The following XPR1 variants were observed in gnomAD, a reference collection of about 807,000 sequenced individuals.
The protein encoded by XPR1 is solute carrier family 53 member 1.
A neutral mutation model predicts 87.5 loss-of-function variants in XPR1; 28 were observed. That is an observed-to-expected ratio of 0.32 (90% confidence interval 0.24 to 0.44). The LOEUF (loss-of-function observed/expected upper bound fraction) is 0.44, where lower values mean the gene tolerates loss of function less well. Ranked by LOEUF, XPR1 falls within the 20% of genes least tolerant of loss-of-function variation. XPR1 has a pLI of 1.00. For synonymous variants in XPR1, 300 were observed against 306.1 expected (o/e 0.98, Z 0.21); for missense variants, 559 against 862.3 (o/e 0.65, Z 4.41).
At chr1:180,881,883 A>G (rs1304352567) in intron 14 of XPR1, among the ~76,000 whole-genome samples, 2 of 152,150 alleles carry the variant, frequency 1.3e-5, no homozygotes, top group Non-Finnish European at 2.9e-5. Context: ...AAATAAACAA[A>G]AGAGGTAGGA....
intron 2 of XPR1, among the ~76,000 whole-genome samples, chr1:180,783,238 A>G (rs890173348): frequency 1.3e-5 from 2 of 152,056 alleles, no homozygotes; most frequent in African/African-American, 4.8e-5. Context: ...TAGGTGACAC[A>G]GCTAGGTGCT....
At chr1:180,710,700 C>G (rs1046244431) in intron 2 of XPR1, among the ~76,000 whole-genome samples, 1 of 152,252 alleles carries the variant, frequency 6.6e-6, no homozygotes, top group Non-Finnish European at 1.5e-5. Flanking sequence ...GGCCTGCTCT[C>G]AATGAGCTGT....
chr1:180,704,245 G>GATATATATATATATATATATATAT (rs35751561), intron 2 of XPR1, among the ~76,000 whole-genome samples: 32 of 66,012 alleles, frequency 4.8e-4, no homozygotes, highest in Non-Finnish European at 6.9e-4. Flanking sequence ...ATAGGTGCTG[G>GATATATATATATATATATATATAT]ATATATATAT....
At chr1:180,856,407 A>C (rs548616764) in intron 11 of XPR1, among the ~76,000 whole-genome samples, 1 of 152,104 alleles carries the variant, frequency 6.6e-6, no homozygotes, top group Non-Finnish European at 1.5e-5. Context: ...TGTCCTTTTC[A>C]TAGAAAGAGC....
intron 11 of XPR1, among the ~76,000 whole-genome samples, chr1:180,857,365 A>G (rs1225661574): frequency 6.6e-6 from 1 of 152,192 alleles, no homozygotes; most frequent in Non-Finnish European, 1.5e-5. Context: ...TACCCCTACG[A>G]AATAGGAGGC....
intron 2 of XPR1, among the ~76,000 whole-genome samples, chr1:180,746,845 A>G (rs1447675265): frequency 6.6e-6 from 1 of 152,138 alleles, no homozygotes; most frequent in Non-Finnish European, 1.5e-5. Flanking sequence ...CCTTTGAAAG[A>G]TCTTTTTTGG....
intron 2 of XPR1, among the ~76,000 whole-genome samples, chr1:180,734,426 CA>C (rs1420560501): frequency 6.6e-6 from 1 of 152,168 alleles, no homozygotes; most frequent in African/African-American, 2.4e-5. Context: ...TGGTCAACAG[CA>C]AACAGGCAGT....
chr1:180,647,902 CAAA>C (rs1009441967), intron 1 of XPR1, among the ~76,000 whole-genome samples: 3,644 of 55,682 alleles, frequency 0.065, 117 homozygotes, highest in African/African-American at 0.18. Context: ...CTCTTATCTG[CAAA>C]AAAAAAAAAA....
chr1:180,713,926 G>A (rs140646713), intron 2 of XPR1, among the ~76,000 whole-genome samples: 14 of 152,106 alleles, frequency 9.2e-5, no homozygotes, highest in African/African-American at 2.7e-4. Flanking sequence ...TCATTAGTGC[G>A]GAAGAGTTTG....
At chr1:180,845,504 A>C (rs892946341) in intron 11 of XPR1, among the ~76,000 whole-genome samples, 2 of 152,180 alleles carry the variant, frequency 1.3e-5, no homozygotes, top group Admixed American at 1.3e-4. Flanking sequence ...GTAGATGAAG[A>C]ATAATGACTG....
intron 2 of XPR1, among the ~76,000 whole-genome samples, chr1:180,762,844 T>G (rs769375424): frequency 1.3e-5 from 2 of 152,246 alleles, no homozygotes; most frequent in Non-Finnish European, 2.9e-5. Context: ...AGCAGACATG[T>G]ATAACTATAA....
chr1:180,752,440 G>A (rs1166080438), intron 2 of XPR1, among the ~76,000 whole-genome samples: 1 of 152,052 alleles, frequency 6.6e-6, no homozygotes, highest in Non-Finnish European at 1.5e-5. Flanking sequence ...ATTTTTATCT[G>A]TATCTTTTCT....
In XPR1 at chr1:180,873,255, C is replaced by T. The variant is rs115119266; in HGVS notation, c.1669-548C>T. 3.9e-4 allele frequency among the ~76,000 whole-genome samples: 60 copies of T among 152,260 alleles called. 1 individual carries two copies. Among genetic ancestry groups the T allele is most frequent in the Middle Eastern group, 6.8e-3 (2 of 294 alleles). On this transcript the variant is annotated intron_variant, in intron 12 of 14. Coordinates refer to ENST00000367590, the MANE Select transcript of XPR1 (RefSeq NM_004736.4). Reference sequence around the variant, plus strand: ...GTACCTGCAAGTATTACTTGAGCACCGTCTTCCCCATGTAAAAATAGAACA... The same window carrying T: ...GTACCTGCAAGTATTACTTGAGCACTGTCTTCCCCATGTAAAAATAGAACA...
chr1:180,782,583 C>A (rs1648982440), intron 2 of XPR1, among the ~76,000 whole-genome samples: 1 of 151,862 alleles, frequency 6.6e-6, no homozygotes. Context: ...GTGGGGGAAT[C>A]TCTGGTGTCT....
At chr1:180,760,234 A>G (rs1482971957) in intron 2 of XPR1, among the ~76,000 whole-genome samples, 2 of 152,174 alleles carry the variant, frequency 1.3e-5, no homozygotes, top group African/African-American at 2.4e-5. Context: ...TACCGCTCCT[A>G]TTCAACATAG....
At chr1:180,850,056 G>A (rs1032015253) in intron 11 of XPR1, among the ~76,000 whole-genome samples, 1 of 152,162 alleles carries the variant, frequency 6.6e-6, no homozygotes, top group Non-Finnish European at 1.5e-5. Flanking sequence ...AGTTGGTGAA[G>A]TAGATTCCAC....
At chr1:180,866,526 G>T (rs1439445093) in intron 12 of XPR1, among the ~76,000 whole-genome samples, 1 of 131,434 alleles carries the variant, frequency 7.6e-6, no homozygotes, top group Non-Finnish European at 1.7e-5. Context: ...GGTGACACCA[G>T]TTTCCACATT....
At chr1:180,811,532 C>A in intron 7 of XPR1, 44 bp downstream of exon 7, 9 of 1,462,724 alleles carry the variant, frequency 6.2e-6, no homozygotes, top group Non-Finnish European at 8.6e-6. Flanking sequence ...TACCAATATG[C>A]CTGTGTCATA....
chr1:180,741,019 G>A (rs943484164), intron 2 of XPR1, among the ~76,000 whole-genome samples: 4 of 152,164 alleles, frequency 2.6e-5, no homozygotes, highest in African/African-American at 9.7e-5. Context: ...CCATCACATT[G>A]GGGGTTAGGA....
Sources: gnomAD v4.1 joint callset for allele counts (sites outside exome capture counted in the v4.1 genomes callset) on GRCh38, gnomAD v4.1.1 for gene constraint, MANE v1.5 for transcripts, NCBI Gene and HGNC (gene_info 2026-07-23, HGNC 2026-07-21) for gene names.